The following C2CD5 variants were observed in gnomAD, a reference collection of about 807,000 sequenced individuals.
C2CD5 encodes C2 domain-containing protein 5.
Under a neutral mutation model 130.3 loss-of-function variants are expected in C2CD5, and 109 were observed. The ratio of observed to expected loss-of-function variants is 0.84; its 90% CI spans 0.72 to 0.98. C2CD5 has a LOEUF of 0.98. Ranked by LOEUF, C2CD5 falls within the 50% of genes least tolerant of loss-of-function variation. The pLI is 0.00. For synonymous variants in C2CD5, 454 were observed against 429.2 expected (o/e 1.06, Z -0.71); for missense variants, 996 against 1,261.8 (o/e 0.79, Z 3.19).
chr12:22,513,935 T>C lies in C2CD5; in HGVS notation c.953-556A>G, dbSNP rs559985633. 2.4e-3 allele frequency among the ~76,000 whole-genome samples: 362 copies of C among 152,250 alleles called. 1 individual carries two copies. The highest frequency in any genetic ancestry group is 8.4e-3 in the Admixed American group (129 of 15,290). ...GACAAAACAGTATTAATTTCATACA[T>C]GTCAACGCTCATTCACAAAAATCAA... On this transcript the variant is annotated intron_variant, in intron 8 of 26. Transcript: ENST00000446597.
intron 26 of C2CD5, among the ~76,000 whole-genome samples, chr12:22,452,893 C>T (rs1939009678): frequency 2.0e-5 from 3 of 152,024 alleles, no homozygotes; most frequent in Admixed American, 2.0e-4. Context: ...ATGGCAGGAC[C>T]CTATCTCTTA....
chr12:22,457,110 C>G lies in C2CD5; in HGVS notation c.2738G>C (p.Arg913Pro). Reference protein sequence around the residue: ...SPVGDGNFRNRSAPPCANSTV... With the variant: ...SPVGDGNFRNPSAPPCANSTV... ...GGAATTTGCACAAGGTGGAGCAGAA[C>G]GATTCCGGAAATTTCCATCACCCAC... The change falls in exon 25 of 27, where the codon CGT becomes CCT. Residue 913 changes from arginine to proline, a missense_variant. Arg to Pro is a moderately radical substitution (Grantham distance 103). Coordinates refer to ENST00000446597, the MANE Select transcript of C2CD5 (RefSeq NM_001286176.2). 6.2e-7 allele frequency: 1 copy of G among 1,611,166 alleles called. No individual in the cohort carries two copies. The highest frequency in any genetic ancestry group is 1.1e-5 in the South Asian group (1 of 90,334).
intron 11 of C2CD5, among the ~76,000 whole-genome samples, chr12:22,491,299 C>T (rs1946319447): frequency 6.6e-6 from 1 of 152,120 alleles, no homozygotes; most frequent in African/African-American, 2.4e-5. Context: ...GAGTCTACAT[C>T]CTGTGGCCTT....
At chr12:22,471,910 A>C (rs1591985316) in intron 19 of C2CD5, 57 bp downstream of exon 19, 1 of 935,110 alleles carries the variant, frequency 1.1e-6, no homozygotes. Context: ...CAATATAGAC[A>C]CTTAAAATTT....
rs767253326 is a variant in C2CD5 at position 22,453,975 on chromosome 12, A to T, written c.2945T>A (p.Val982Asp). The T allele has an allele frequency of 2.5e-6, 4 of 1,613,608 alleles. No individual in the cohort carries two copies. Among genetic ancestry groups the T allele is most frequent in the Non-Finnish European group, 3.4e-6 (4 of 1,179,612 alleles). Residue 982 changes from valine (V) to aspartate (D), a missense_variant, in exon 26 of 27, where the codon GTT becomes GAT. Val to Asp is a radical substitution (Grantham distance 152). Transcript: ENST00000446597. Reference sequence around the variant, plus strand: ...AACAGCATTCCCTCCTAATGCAGCAACATGAGCTCTCACCATTGCAAACAC... The same window carrying T: ...AACAGCATTCCCTCCTAATGCAGCATCATGAGCTCTCACCATTGCAAACAC... Reference protein sequence around the residue: ...AEVFAMVRAHVAALGGNAVVS... With the variant: ...AEVFAMVRAHDAALGGNAVVS...
At chr12:22,454,864 G>A (rs1939495449) in intron 25 of C2CD5, among the ~76,000 whole-genome samples, 1 of 152,112 alleles carries the variant, frequency 6.6e-6, no homozygotes, top group African/African-American at 2.4e-5. Flanking sequence ...TTCAACAGGT[G>A]CATATAATAA....
intron 10 of C2CD5, 47 bp downstream of exon 10, chr12:22,506,664 A>C (rs1214579956): frequency 9.4e-7 from 1 of 1,060,000 alleles, no homozygotes; most frequent in African/African-American, 1.6e-5. Context: ...CAATTTTAAT[A>C]ACCACAATTT....
At chr12:22,453,857 C>A (rs749348763) in intron 26 of C2CD5, 39 bp downstream of exon 26, 4 of 1,596,858 alleles carry the variant, frequency 2.5e-6, no homozygotes, top group Non-Finnish European at 3.4e-6. Flanking sequence ...AAGAAATTCT[C>A]AGGTTCCCGC....
chr12:22,497,195 G>T (rs758614537), intron 10 of C2CD5, among the ~76,000 whole-genome samples: 1 of 151,906 alleles, frequency 6.6e-6, no homozygotes, highest in East Asian at 1.9e-4. Context: ...CTTTTAATAC[G>T]GTTAGAAGAA....
intron 10 of C2CD5, among the ~76,000 whole-genome samples, chr12:22,505,554 T>C (rs1165987672): frequency 1.3e-5 from 2 of 152,164 alleles, no homozygotes; most frequent in African/African-American, 4.8e-5. Flanking sequence ...AATATATACG[T>C]CTATACACCA....
chr12:22,509,835 T>TG (rs1195735004), intron 9 of C2CD5, among the ~76,000 whole-genome samples: 1 of 152,244 alleles, frequency 6.6e-6, no homozygotes, highest in Admixed American at 6.5e-5. Flanking sequence ...CTTTATCATC[T>TG]GGTTTCACTG....
Position 22,454,249 on chromosome 12 carries a change from A to T in C2CD5, c.2878-207T>A, listed in dbSNP as rs374902570. Among the ~76,000 whole-genome samples the T allele has an allele frequency of 1.5e-4, 23 of 152,248 alleles. No homozygotes were observed. The East Asian group carries it at 2.3e-3, about 15-fold the overall frequency. Reference sequence around the variant, plus strand: ...GTCCAGGCAAGGATTTACTACCTTTACTTTACAGATGATAAAACTGAAGCC... The same window carrying T: ...GTCCAGGCAAGGATTTACTACCTTTTCTTTACAGATGATAAAACTGAAGCC... On this transcript the variant is annotated intron_variant, in intron 25 of 26. Transcript: ENST00000446597.
At chr12:22,496,582 C>T (rs893853771) in intron 10 of C2CD5, among the ~76,000 whole-genome samples, 1 of 151,248 alleles carries the variant, frequency 6.6e-6, no homozygotes, top group East Asian at 1.9e-4. Context: ...AAACACATTT[C>T]TTCTGATAAT....
At chr12:22,480,102 C>T (rs1185184605) in intron 14 of C2CD5, among the ~76,000 whole-genome samples, 1 of 152,154 alleles carries the variant, frequency 6.6e-6, no homozygotes, top group Non-Finnish European at 1.5e-5. Context: ...TAATATTCAA[C>T]CAGGGAACCC....
intron 3 of C2CD5, among the ~76,000 whole-genome samples, chr12:22,529,248 ATC>A (rs1448860069): frequency 1.3e-5 from 2 of 152,212 alleles, no homozygotes; most frequent in African/African-American, 4.8e-5. Flanking sequence ...ATTCCAAATC[ATC>A]TGTCATCCAA....
intron 10 of C2CD5, among the ~76,000 whole-genome samples, chr12:22,506,241 A>G (rs79740771): frequency 6.6e-6 from 1 of 152,158 alleles, no homozygotes; most frequent in African/African-American, 2.4e-5. Flanking sequence ...CCTGGGCTCA[A>G]GCGATCCTCC....
chr12:22,478,279 T>C, intron 15 of C2CD5, 34 bp downstream of exon 15: 1 of 1,533,594 alleles, frequency 6.5e-7, no homozygotes, highest in Non-Finnish European at 9.0e-7. Context: ...AAACAATAAC[T>C]GATACATTCA....
rs55690335 is a variant in C2CD5, at chr12:22,494,634, G to T, written c.1148-1297C>A. Reference sequence around the variant, plus strand: ...ATTAAAGTTTTGGTTCCAAGACAAAGCTACCTTAAAACTTTCTTTCAGAAG... The same window carrying T: ...ATTAAAGTTTTGGTTCCAAGACAAATCTACCTTAAAACTTTCTTTCAGAAG... On this transcript the variant is annotated intron_variant, in intron 10 of 26. Transcript: ENST00000446597. Among the ~76,000 whole-genome samples the T allele has an allele frequency of 4.9e-3, 738 of 152,124 alleles. 7 individuals carry two copies. The highest frequency in any genetic ancestry group is 0.017 in the African/African-American group (706 of 41,544).
chr12:22,542,515 C>T (rs781050576), intron 2 of C2CD5, among the ~76,000 whole-genome samples: 4 of 152,258 alleles, frequency 2.6e-5, no homozygotes, highest in South Asian at 2.1e-4. Context: ...GTTTCCTGAA[C>T]ATACTATATA....
Sources: allele counts gnomAD v4.1 joint callset (sites outside exome capture counted in the v4.1 genomes callset), GRCh38; gene constraint gnomAD v4.1.1; transcripts MANE v1.5; gene names NCBI Gene and HGNC (gene_info 2026-07-23, HGNC 2026-07-21).